SIPA1L3: variants seen among roughly 807,000 people sequenced by gnomAD.
SIPA1L3 encodes the protein signal induced proliferation associated 1 like 3, also known as signal-induced proliferation-associated 1-like protein 3.
A neutral mutation model predicts 150.1 loss-of-function variants in SIPA1L3; 59 were observed. The observed-to-expected ratio is 0.39, with a 90% CI of 0.32 to 0.49. The LOEUF is 0.49. Among genes scored for constraint, SIPA1L3 ranks in the 20% least tolerant of loss-of-function variants. The pLI is 0.86. For synonymous variants in SIPA1L3, 1,070 were observed against 1,077.6 expected, an observed-to-expected ratio of 0.99 and a Z score of 0.14; for missense variants, 2,211 against 2,489.5, an observed-to-expected ratio of 0.89 and a Z score of 2.38.
intron 1 of SIPA1L3, among the ~76,000 whole-genome samples, chr19:37,926,175 C>G (rs76515184): frequency 0.022 from 3,286 of 152,264 alleles, 127 homozygotes; most frequent in African/African-American, 0.074. Flanking sequence ...TTTGGCCAAT[C>G]CTTTCTTGCT....
At chr19:38,073,183 A>G (rs1244214362) in intron 2 of SIPA1L3, among the ~76,000 whole-genome samples, 2 of 152,176 alleles carry the variant, frequency 1.3e-5, no homozygotes, top group Non-Finnish European at 2.9e-5. Flanking sequence ...CACCATTCCT[A>G]TCTTTCCCCT....
chr19:37,942,964 G>A (rs1359175985), intron 1 of SIPA1L3, among the ~76,000 whole-genome samples: 2 of 151,050 alleles, frequency 1.3e-5, no homozygotes, highest in South Asian at 2.1e-4. Flanking sequence ...CTTCTGCCTC[G>A]GCCTCCCAAA....
At chr19:38,065,337 A>G (rs1969547551) in intron 2 of SIPA1L3, among the ~76,000 whole-genome samples, 1 of 150,362 alleles carries the variant, frequency 6.7e-6, no homozygotes, top group Admixed American at 6.6e-5. Context: ...GTCTCTCCCC[A>G]TTCTGACTTC....
At chr19:37,908,368 T>A (rs1024871803) in intron 1 of SIPA1L3, among the ~76,000 whole-genome samples, 5 of 152,250 alleles carry the variant, frequency 3.3e-5, no homozygotes, top group Non-Finnish European at 7.3e-5. Flanking sequence ...GCAGCTCTTA[T>A]GTATTATAAT....
At chr19:37,936,501 C>T (rs942097495) in intron 1 of SIPA1L3, among the ~76,000 whole-genome samples, 7 of 152,170 alleles carry the variant, frequency 4.6e-5, no homozygotes, top group East Asian at 1.9e-4. Context: ...TATCAGTGTT[C>T]GAAGTTAGTC....
chr19:38,087,490 A>G (rs1394941089), intron 3 of SIPA1L3, among the ~76,000 whole-genome samples: 1 of 152,190 alleles, frequency 6.6e-6, no homozygotes, highest in Non-Finnish European at 1.5e-5. Context: ...GTACCAGTAC[A>G]ATTTCCGGTG....
rs149882988 is a variant in SIPA1L3 at position 38,001,199 on chromosome 19, G to A, written c.-378-27890G>A. On this transcript the variant is annotated intron_variant, in intron 1 of 21. Transcript: ENST00000222345. ...ATAAAGCTCTCTGCTTAATGTTTGA[G>A]TGTCCAGAGACGTTTGCACCCCACC... is the stretch of plus-strand genomic sequence containing the variant. Among the ~76,000 whole-genome samples, 341 of 151,970 alleles carry A rather than the reference G, an allele frequency of 2.2e-3. 3 individuals are homozygous for A. The highest frequency in any genetic ancestry group is 8.0e-3 in the African/African-American group (330 of 41,428).
chr19:37,918,895 TAAATAAATAAATAAATAAATAAAC>T (rs1369935445), intron 1 of SIPA1L3, among the ~76,000 whole-genome samples: 1 of 148,000 alleles, frequency 6.8e-6, no homozygotes, highest in African/African-American at 2.5e-5. Context: ...AATAAATAAA[TAAATAAATAAATAAATAAATAAAC>T]AAACTGCTGC....
chr19:38,124,083 G>A (rs537104996), intron 9 of SIPA1L3, among the ~76,000 whole-genome samples: 51 of 150,156 alleles, frequency 3.4e-4, no homozygotes, highest in African/African-American at 5.6e-4. Context: ...CGGACGGGGC[G>A]GCTGGCCGGG....
Position 38,206,376 on chromosome 19 carries a change from C to A in SIPA1L3, c.*136C>A, listed in dbSNP as rs1973214102. 1.9e-6 allele frequency: 2 copies of A among 1,054,220 alleles called. No homozygotes were observed. Among genetic ancestry groups the A allele is most frequent in the Non-Finnish European group, 2.7e-6 (2 of 742,890 alleles). 65.3% of individuals were successfully genotyped at this position (1,054,220 alleles called of 1,614,324 possible). A position where few individuals can be genotyped will look rare whatever the true frequency, so the allele number is the denominator to read the frequency against. ...GGCCCTCCCCATGGACACGGAAACT[C>A]CGATGGCCTCACTAGGGCTGTGAGT... On this transcript the variant is annotated 3_prime_UTR_variant, in exon 22 of 22. Coordinates refer to ENST00000222345, the MANE Select transcript of SIPA1L3 (RefSeq NM_015073.3).
intron 2 of SIPA1L3, among the ~76,000 whole-genome samples, chr19:38,066,890 C>G (rs1969605497): frequency 6.6e-6 from 1 of 151,870 alleles, no homozygotes; most frequent in African/African-American, 2.4e-5. Context: ...ATGCATAATT[C>G]CAGCTCTCTC....
In SIPA1L3 at chr19:38,135,481, G is replaced by A. The variant is rs147487771; in HGVS notation, c.3143+4709G>A. ...CCTGGTGGCTACGCTCCTCGAGGAA[G>A]GACATGCACCCCTCTCCACACACTC... On this transcript the variant is annotated intron_variant, in intron 10 of 21. Coordinates refer to ENST00000222345, the MANE Select transcript of SIPA1L3 (RefSeq NM_015073.3). Among the ~76,000 whole-genome samples the A allele has an allele frequency of 2.0e-3, 306 of 152,308 alleles. 1 individual carries two copies. The highest frequency in any genetic ancestry group is 7.1e-3 in the African/African-American group (293 of 41,548).
chr19:38,206,395 T>A lies in SIPA1L3; in HGVS notation c.*155T>A. The A allele has an allele frequency of 4.4e-6, 4 of 910,748 alleles. No individual in the cohort carries two copies. The South Asian group carries it at 7.3e-5, about 17-fold the overall frequency. 56.4% of individuals were successfully genotyped at this position (910,748 alleles called of 1,614,324 possible). On this transcript the variant is annotated 3_prime_UTR_variant, in exon 22 of 22. Coordinates refer to ENST00000222345, the MANE Select transcript of SIPA1L3 (RefSeq NM_015073.3). Reference sequence around the variant, plus strand: ...GAAACTCCGATGGCCTCACTAGGGCTGTGAGTCAGGGTCAGCGCGCACAGC... The same window carrying A: ...GAAACTCCGATGGCCTCACTAGGGCAGTGAGTCAGGGTCAGCGCGCACAGC...
intron 1 of SIPA1L3, among the ~76,000 whole-genome samples, chr19:37,909,206 C>G (rs1048633869): frequency 7.2e-5 from 11 of 152,184 alleles, no homozygotes; most frequent in Non-Finnish European, 1.5e-4. Context: ...CTGATGGGCA[C>G]TGAAAGTTCC....
At chr19:38,113,365 C>T (rs1197356574) in intron 8 of SIPA1L3, among the ~76,000 whole-genome samples, 7 of 152,120 alleles carry the variant, frequency 4.6e-5, no homozygotes, top group African/African-American at 1.4e-4. Flanking sequence ...TAGTGGCTCA[C>T]GCCTATAATC....
chr19:37,983,233 A>G (rs1186501011), intron 1 of SIPA1L3, among the ~76,000 whole-genome samples: 2 of 152,208 alleles, frequency 1.3e-5, no homozygotes, highest in African/African-American at 4.8e-5. Context: ...TCTGGGCTAG[A>G]GAGGCAGTGG....
intron 1 of SIPA1L3, among the ~76,000 whole-genome samples, chr19:37,930,493 G>A (rs1490775659): frequency 6.6e-6 from 1 of 152,040 alleles, no homozygotes; most frequent in Non-Finnish European, 1.5e-5. Context: ...TTATAATCCT[G>A]CACCCCCTTA....
Position 38,148,213 on chromosome 19 carries a change from C to T in SIPA1L3, c.3534-4627C>T, listed in dbSNP as rs148964990. 1.7e-3 allele frequency among the ~76,000 whole-genome samples: 263 copies of T among 151,456 alleles called. 6 individuals carry two copies. In the East Asian group the frequency reaches 0.045, roughly 26 times the overall value. On this transcript the variant is annotated intron_variant, in intron 12 of 21. Transcript: ENST00000222345. ...TAAAAATACAAAAGTTAGCTGGGTA[C>T]GGTGGCAGGCGCCTGTAGTCCCAGC... is the stretch of plus-strand genomic sequence containing the variant.
At chr19:37,941,071 T>TACACACACACACACACAC (rs869026715) in intron 1 of SIPA1L3, among the ~76,000 whole-genome samples, 17 of 133,176 alleles carry the variant, frequency 1.3e-4, no homozygotes, top group East Asian at 4.4e-4. Flanking sequence ...GTTTGAGATG[T>TACACACACACACACACAC]ACACACACAC....
Sources: allele counts gnomAD v4.1 joint callset (sites outside exome capture counted in the v4.1 genomes callset), GRCh38; gene constraint gnomAD v4.1.1; transcripts MANE v1.5; gene names NCBI Gene and HGNC (gene_info 2026-07-23, HGNC 2026-07-21).